The following GRM4 variants were observed in gnomAD, a reference collection of about 807,000 sequenced individuals.
GRM4 encodes the protein glutamate metabotropic receptor 4, also known as metabotropic glutamate receptor 4.
Under a neutral mutation model 81.7 loss-of-function variants are expected in GRM4, and 28 were observed. That is an observed-to-expected ratio of 0.34 (90% CI 0.25 to 0.47). The LOEUF (loss-of-function observed/expected upper bound fraction) is 0.47, where lower values mean the gene tolerates loss of function less well. Among genes scored for constraint, GRM4 ranks in the 20% least tolerant of loss-of-function variants. The pLI is 1.00. For missense variants in GRM4, 948 were observed against 1,290.0 expected, an observed-to-expected ratio of 0.73 and a Z score of 4.06; for synonymous variants, 488 against 528.8, an observed-to-expected ratio of 0.92 and a Z score of 1.06.
At chr6:34,106,560 C>A (rs1430420817) in intron 2 of GRM4, among the ~76,000 whole-genome samples, 1 of 152,208 alleles carries the variant, frequency 6.6e-6, no homozygotes, top group Non-Finnish European at 1.5e-5. Flanking sequence ...CCCTCACTCA[C>A]CCTGTCCAGC....
chr6:34,057,538 C>G (rs1227878888), intron 5 of GRM4, among the ~76,000 whole-genome samples: 1 of 152,162 alleles, frequency 6.6e-6, no homozygotes, highest in South Asian at 2.1e-4. Context: ...TCCTGTGCAC[C>G]GTACGATACT....
chr6:34,055,931 T>A (rs957143419), intron 6 of GRM4: 4 of 152,338 alleles, frequency 2.6e-5, no homozygotes, highest in Non-Finnish European at 5.9e-5. Context: ...CCTGGCCACT[T>A]CACAGTTGCA....
intron 2 of GRM4, among the ~76,000 whole-genome samples, chr6:34,094,632 G>A (rs1280114522): frequency 6.6e-6 from 1 of 152,164 alleles, no homozygotes; most frequent in Non-Finnish European, 1.5e-5. Context: ...GTTCTTTGCT[G>A]GGGGGAGGTC....
intron 2 of GRM4, among the ~76,000 whole-genome samples, chr6:34,120,269 A>G (rs920853967): frequency 6.6e-6 from 1 of 151,980 alleles, no homozygotes; most frequent in Non-Finnish European, 1.5e-5. Context: ...CTTTCCCTCC[A>G]CGAGGCCTCA....
At chr6:34,040,405 T>C in intron 7 of GRM4, 91 bp from the exon 8 acceptor site, 2 of 1,466,842 alleles carry the variant, frequency 1.4e-6, no homozygotes, top group South Asian at 2.4e-5. Flanking sequence ...GACACACCCA[T>C]TCATGGAACA....
intron 2 of GRM4, among the ~76,000 whole-genome samples, chr6:34,127,081 T>C (rs1770050485): frequency 6.6e-6 from 1 of 152,210 alleles, no homozygotes; most frequent in African/African-American, 2.4e-5. Context: ...TTTTAGCTCA[T>C]GAACTGTACA....
chr6:34,108,685 CA>C lies in GRM4; in HGVS notation c.520-16587del, dbSNP rs368761385. Among the ~76,000 whole-genome samples the C allele has an allele frequency of 4.1e-3, 627 of 152,318 alleles. 3 individuals are homozygous for C. Among genetic ancestry groups the C allele is most frequent in the African/African-American group, 1.0e-2 (415 of 41,574 alleles). Reference sequence around the variant, plus strand: ...GCCCTTCTACTTCCCTCCACGCCTGCAGAGACCTCCCAATGTCCAGTTCAGT... The same window carrying C: ...GCCCTTCTACTTCCCTCCACGCCTGCGAGACCTCCCAATGTCCAGTTCAGT... On this transcript the variant is annotated intron_variant, in intron 2 of 10. Transcript: ENST00000538487.
chr6:34,155,428 G>A, exon 1 of GRM4: 1 of 1,394,318 alleles, frequency 7.2e-7, no homozygotes. Flanking sequence ...CCCTCTGTGT[G>A]ACAGGCCGGC....
In GRM4 at chr6:34,084,611, A is replaced by G. The variant is rs139395117; in HGVS notation, c.736+7272T>C. 4.9e-3 allele frequency among the ~76,000 whole-genome samples: 738 copies of G among 151,964 alleles called. 4 individuals are homozygous for G. Among genetic ancestry groups the G allele is most frequent in the Non-Finnish European group, 8.4e-3 (568 of 67,938 alleles). On this transcript the variant is annotated intron_variant, in intron 3 of 10. Coordinates refer to ENST00000538487, the MANE Select transcript of GRM4 (RefSeq NM_000841.4). ...GGAGATGGTCAGCCAAGCCAGCGCGACCCCAGCACGACCCCAAGTGCCAAA... is the reference window on the plus strand; with the variant it reads ...GGAGATGGTCAGCCAAGCCAGCGCGGCCCCAGCACGACCCCAAGTGCCAAA...
At chr6:34,103,521 C>A (rs1768953550) in intron 2 of GRM4, 7 of 1,352,020 alleles carry the variant, frequency 5.2e-6, no homozygotes, top group Non-Finnish European at 7.1e-6. Flanking sequence ...CAAACGCGAT[C>A]CTCAAATCAG....
chr6:34,043,312 GA>G (rs1183772289), intron 6 of GRM4, among the ~76,000 whole-genome samples: 2 of 152,134 alleles, frequency 1.3e-5, no homozygotes, highest in Non-Finnish European at 2.9e-5. Flanking sequence ...ACAAGGTCAC[GA>G]GGGCCTAGGG....
chr6:34,044,881 TACAG>T (rs749643524), intron 6 of GRM4, among the ~76,000 whole-genome samples: 1 of 139,884 alleles, frequency 7.1e-6, no homozygotes, highest in African/African-American at 2.9e-5. Context: ...TACACATATA[TACAG>T]ACATACACAT....
At chr6:34,137,642 G>A (rs1294832619) in intron 1 of GRM4, among the ~76,000 whole-genome samples, 8 of 151,566 alleles carry the variant, frequency 5.3e-5, no homozygotes, top group Non-Finnish European at 1.2e-4. Flanking sequence ...GGAGTGCAGT[G>A]GTGCAATCAC....
intron 6 of GRM4, among the ~76,000 whole-genome samples, chr6:34,043,662 C>T (rs939745832): frequency 6.6e-6 from 1 of 152,204 alleles, no homozygotes; most frequent in African/African-American, 2.4e-5. Context: ...AGGCTGGCCT[C>T]AGCCTCTCCT....
chr6:34,040,360 A>G lies in GRM4; in HGVS notation c.1370-46T>C, dbSNP rs1028157911. On this transcript the variant is annotated intron_variant, in intron 7 of 10. Coordinates refer to ENST00000538487, the MANE Select transcript of GRM4 (RefSeq NM_000841.4). ...CTTTGCAGAGCCTTTACCCAGAGGCAGGGCGGATGATGAGCCTGGGGCAGA... is the reference window on the plus strand; with the variant it reads ...CTTTGCAGAGCCTTTACCCAGAGGCGGGGCGGATGATGAGCCTGGGGCAGA... 6 of 1,602,148 alleles carry G rather than the reference A, an allele frequency of 3.7e-6. No homozygotes were observed. In the Admixed American group the frequency reaches 5.0e-5, roughly 13 times the overall value.
rs1021550413 is a variant in GRM4, at chr6:34,020,261, A to G, written c.*2560T>C. The G allele has an allele frequency of 6.6e-6, 1 of 152,240 alleles. No homozygotes were observed. The highest frequency in any genetic ancestry group is 1.5e-5 in the Non-Finnish European group (1 of 68,088). 9.4% of individuals were successfully genotyped at this position (152,240 alleles called of 1,614,324 possible). Reference sequence around the variant, plus strand: ...CCCTCCTGAGAGCCAAGGGGAGCCGAGGGGCAGCATCCCCCTTGGAGAGGT... The same window carrying G: ...CCCTCCTGAGAGCCAAGGGGAGCCGGGGGGCAGCATCCCCCTTGGAGAGGT... On this transcript the variant is annotated 3_prime_UTR_variant, in exon 11 of 11. Coordinates refer to ENST00000538487, the MANE Select transcript of GRM4 (RefSeq NM_000841.4).
At position 34,089,977 on chromosome 6, in the gene GRM4, AG is replaced by A. The variant is rs1303031887; in HGVS notation, c.736+1905del. Among the ~76,000 whole-genome samples the A allele has an allele frequency of 6.6e-6, 1 of 152,214 alleles. No homozygotes were observed. The highest frequency in any genetic ancestry group is 1.5e-5 in the Non-Finnish European group (1 of 68,040). On this transcript the variant is annotated intron_variant, in intron 3 of 10. Coordinates refer to ENST00000538487, the MANE Select transcript of GRM4 (RefSeq NM_000841.4). The surrounding 1 kb of genome is among the most constrained non-coding windows in gnomAD (Gnocchi z 4.3). Reference sequence around the variant, plus strand: ...GAGTACAGAAACAGATGAGACCTCTAGTTCCGGAGCCAGCCATCCTGGGTTC... The same window carrying A: ...GAGTACAGAAACAGATGAGACCTCTATTCCGGAGCCAGCCATCCTGGGTTC...
rs781049234 is a variant in GRM4 at position 34,084,222 on chromosome 6, GC to G, written c.736+7660del. ...CTCCCATCACAGGTGAGAGGAGGAA[GC>G]CCAGGGAAGAGGGCTGGTCATCTGC... On this transcript the variant is annotated intron_variant, in intron 3 of 10. Coordinates refer to ENST00000538487, the MANE Select transcript of GRM4 (RefSeq NM_000841.4). Among the ~76,000 whole-genome samples, 4 of 152,350 alleles carry G rather than the reference GC, an allele frequency of 2.6e-5. No homozygotes were observed. In the East Asian group the frequency reaches 7.7e-4, roughly 29 times the overall value.
intron 6 of GRM4, chr6:34,055,021 C>T (rs1007681045): frequency 2.6e-5 from 4 of 152,188 alleles, no homozygotes; most frequent in East Asian, 1.9e-4. Flanking sequence ...TGAGCAGCCT[C>T]GGGCAAGTCA....
Sources: gnomAD v4.1 joint callset for allele counts (sites outside exome capture counted in the v4.1 genomes callset) on GRCh38, gnomAD v4.1.1 for gene constraint, Gnocchi (gnomAD v3.1) non-coding constraint, MANE v1.5 for transcripts, NCBI Gene and HGNC (gene_info 2026-07-23, HGNC 2026-07-21) for gene names.